Variants in BTBD1 observed in about 807,000 individuals in gnomAD.
BTBD1 encodes the protein BTB/POZ domain-containing protein 1.
Under a neutral mutation model 48.0 loss-of-function variants are expected in BTBD1, and 34 were observed. The ratio of observed to expected loss-of-function variants is 0.71; its 90% CI spans 0.54 to 0.94. The LOEUF (loss-of-function observed/expected upper bound fraction) is 0.94. Ranked by LOEUF, BTBD1 falls within the 40% of genes least tolerant of loss-of-function variation. The probability of loss-of-function intolerance (pLI) is 0.00; values close to 1 mark genes in which losing one functional copy is unlikely to be tolerated. For synonymous variants in BTBD1, 261 were observed against 242.1 expected (o/e 1.08, Z -0.72); for missense variants, 543 against 625.6 (o/e 0.87, Z 1.41).
intron 7 of BTBD1, 83 bp from the exon 8 acceptor site, chr15:83,018,308 C>A: frequency 8.9e-7 from 1 of 1,119,178 alleles, no homozygotes. Flanking sequence ...GATTAATGTT[C>A]CATTATATTT....
chr15:83,022,216 A>AT (rs536263928), intron 5 of BTBD1: 6,226 of 131,804 alleles, frequency 0.047, 172 homozygotes, highest in Middle Eastern at 0.055. Flanking sequence ...TGCTAGTTTA[A>AT]TTTTTTTTTT....
chr15:83,021,348 G>A (rs548647388), intron 5 of BTBD1, among the ~76,000 whole-genome samples: 73 of 152,332 alleles, frequency 4.8e-4, no homozygotes, highest in African/African-American at 1.7e-3. Context: ...GACAGGATTC[G>A]AATGCAGTTT....
At chr15:83,065,434 T>A (rs1411536275) in intron 1 of BTBD1, among the ~76,000 whole-genome samples, 1 of 152,238 alleles carries the variant, frequency 6.6e-6, no homozygotes, top group African/African-American at 2.4e-5. Flanking sequence ...CTGTCCTTTA[T>A]CCATTCGTCA....
intron 1 of BTBD1, among the ~76,000 whole-genome samples, chr15:83,064,618 T>C (rs912438760): frequency 6.6e-6 from 1 of 152,122 alleles, no homozygotes; most frequent in Non-Finnish European, 1.5e-5. Flanking sequence ...TTCTTAAATT[T>C]AGTTTGTATA....
intron 4 of BTBD1, among the ~76,000 whole-genome samples, chr15:83,032,392 A>G (rs2032534665): frequency 6.6e-6 from 1 of 152,178 alleles, no homozygotes; most frequent in East Asian, 1.9e-4. Context: ...ACCTACCCAA[A>G]GGAAAATAAG....
intron 4 of BTBD1, among the ~76,000 whole-genome samples, chr15:83,034,901 T>C (rs1039750511): frequency 2.1e-4 from 32 of 152,202 alleles, no homozygotes; most frequent in Non-Finnish European, 8.8e-5. Flanking sequence ...TTCATAGATA[T>C]AGTATTCAAT....
chr15:83,060,749 C>A (rs1181658005), intron 1 of BTBD1, among the ~76,000 whole-genome samples: 1 of 151,968 alleles, frequency 6.6e-6, no homozygotes, highest in Non-Finnish European at 1.5e-5. Flanking sequence ...GCCAAGATCG[C>A]GCCACTGTAC....
intron 1 of BTBD1, among the ~76,000 whole-genome samples, chr15:83,058,812 A>G (rs890699542): frequency 6.6e-6 from 1 of 152,130 alleles, no homozygotes; most frequent in Non-Finnish European, 1.5e-5. Flanking sequence ...AAACCTATAC[A>G]TGGTTCTATG....
At chr15:83,042,354 A>ATATATATATATATG (rs2032780238) in intron 3 of BTBD1, among the ~76,000 whole-genome samples, 3 of 121,048 alleles carry the variant, frequency 2.5e-5, no homozygotes, top group African/African-American at 9.9e-5. Context: ...AATTTTATAT[A>ATATATATATATATG]TATATATATA....
chr15:83,026,969 C>A (rs1219489691), intron 5 of BTBD1, among the ~76,000 whole-genome samples: 1 of 150,162 alleles, frequency 6.7e-6, no homozygotes, highest in Non-Finnish European at 1.5e-5. Context: ...AGGGGAAATA[C>A]GTGTGTGTGT....
At chr15:83,057,844 A>T (rs1025559065) in intron 1 of BTBD1, among the ~76,000 whole-genome samples, 4 of 152,212 alleles carry the variant, frequency 2.6e-5, no homozygotes, top group African/African-American at 9.6e-5. Context: ...TGTTTTCAAG[A>T]TAATACTATC....
intron 4 of BTBD1, among the ~76,000 whole-genome samples, chr15:83,032,969 C>CTAA (rs2032550637): frequency 1.1e-5 from 1 of 87,008 alleles, no homozygotes; most frequent in Non-Finnish European, 2.1e-5. Flanking sequence ...TACTCTGTCT[C>CTAA]AAAAAAAAAA....
chr15:83,032,969 CAAAA>C (rs56152195), intron 4 of BTBD1, among the ~76,000 whole-genome samples: 1 of 87,008 alleles, frequency 1.1e-5, no homozygotes. Context: ...TACTCTGTCT[CAAAA>C]AAAAAAAAAA....
intron 4 of BTBD1, among the ~76,000 whole-genome samples, chr15:83,039,481 G>C (rs370430181): frequency 1.1e-4 from 16 of 152,058 alleles, no homozygotes; most frequent in African/African-American, 3.9e-4. Flanking sequence ...AAAGAACTCA[G>C]AACTACCAAG....
At chr15:83,062,012 G>A (rs1182021618) in intron 1 of BTBD1, among the ~76,000 whole-genome samples, 1 of 152,190 alleles carries the variant, frequency 6.6e-6, no homozygotes, top group African/African-American at 2.4e-5. Context: ...AGCCCTGGCA[G>A]AAAGACTGAG....
Position 83,042,370 on chromosome 15 carries a change from ATATATATGTATG to A in BTBD1, c.665-457_665-446del, listed in dbSNP as rs1158952436. On this transcript the variant is annotated intron_variant, in intron 3 of 7. Transcript: ENST00000261721. ...ATTTTATATATATATATATATATAT[ATATATATGTATG>A]TATATATTTTGGATATAGAGTCATA... Among the ~76,000 whole-genome samples, 11 of 123,288 alleles carry A rather than the reference ATATATATGTATG, an allele frequency of 8.9e-5. 1 individual carries two copies. The highest frequency in any genetic ancestry group is 4.1e-4 in the Admixed American group (5 of 12,312). The allele number at this position is 123,288 out of a possible 152,430, so 80.9% of individuals were successfully genotyped here.
intron 1 of BTBD1, among the ~76,000 whole-genome samples, chr15:83,058,602 TA>T (rs1337387761): frequency 6.6e-6 from 1 of 151,826 alleles, no homozygotes; most frequent in South Asian, 2.1e-4. Flanking sequence ...AAGTGAGACT[TA>T]AAAAAATTTT....
intron 1 of BTBD1, chr15:83,061,812 CA>C (rs947039213): frequency 2.0e-5 from 3 of 152,210 alleles, no homozygotes; most frequent in Non-Finnish European, 2.9e-5. Flanking sequence ...TCAACCCACA[CA>C]ACTGTAAAAG....
At chr15:83,027,825 G>A (rs1052948279) in intron 5 of BTBD1, among the ~76,000 whole-genome samples, 3 of 152,132 alleles carry the variant, frequency 2.0e-5, no homozygotes, top group Non-Finnish European at 4.4e-5. Flanking sequence ...GACATAACAC[G>A]CCTGTACTGT....
Sources: allele counts gnomAD v4.1 joint callset (sites outside exome capture counted in the v4.1 genomes callset), GRCh38; gene constraint gnomAD v4.1.1; transcripts MANE v1.5; gene names NCBI Gene and HGNC (gene_info 2026-07-23, HGNC 2026-07-21).